LEMD3: variants seen among roughly 807,000 people sequenced by gnomAD.
The protein encoded by LEMD3 is inner nuclear membrane protein Man1.
A neutral mutation model predicts 95.2 loss-of-function variants in LEMD3; 33 were observed. That is an observed-to-expected ratio of 0.35 (90% CI 0.26 to 0.46). The LOEUF (loss-of-function observed/expected upper bound fraction) is 0.46, where lower values mean the gene tolerates loss of function less well. Ranked by LOEUF, LEMD3 falls within the 20% of genes least tolerant of loss-of-function variation. LEMD3 has a pLI of 1.00. For synonymous variants in LEMD3, 525 were observed against 474.6 expected (o/e 1.11, Z -1.38); for missense variants, 1,210 against 1,192.8 (o/e 1.01, Z -0.21).
At chr12:65,240,389 ACT>A (rs1870899787) in intron 8 of LEMD3, 151 bp downstream of exon 8, 3 of 638,632 alleles carry the variant, frequency 4.7e-6, no homozygotes, top group East Asian at 2.8e-5. Context: ...TGTACTTTAT[ACT>A]CTCTTTCTAA....
At chr12:65,204,976 TTATA>T (rs889612979) in intron 1 of LEMD3, among the ~76,000 whole-genome samples, 2 of 152,128 alleles carry the variant, frequency 1.3e-5, no homozygotes, top group African/African-American at 2.4e-5. Flanking sequence ...ACTGGGTAAT[TTATA>T]AAGGAAAGAG....
intron 1 of LEMD3, among the ~76,000 whole-genome samples, chr12:65,205,326 C>G (rs1299003288): frequency 6.6e-6 from 1 of 152,042 alleles, no homozygotes; most frequent in Non-Finnish European, 1.5e-5. Context: ...TCAAGAATCT[C>G]CATTTTTATG....
chr12:65,171,314 A>G (rs1010842915), intron 1 of LEMD3, 196 bp downstream of exon 1: 5 of 886,500 alleles, frequency 5.6e-6, no homozygotes, highest in Non-Finnish European at 8.3e-6. Context: ...TGGTTTTAAA[A>G]GTTTTCTGCA....
rs750847187 is a variant in LEMD3, at chr12:65,169,797, T to C, written c.201T>C (p.Asn67=). Residue 67 remains asparagine, a synonymous_variant, in exon 1 of 13, where the codon AAT becomes AAC. Transcript: ENST00000308330. ...GCGGCAACAAGACGCGGAACAGTAA[T>C]AACAATAACACGGCAGCCGCCACGG... is the stretch of plus-strand genomic sequence containing the variant. The part of the protein sequence containing the change: ...GGRGNKTRNS[N]NNNTAAATVA... 1.3e-6 allele frequency: 2 copies of C among 1,547,202 alleles called. No individual in the cohort carries two copies. The highest frequency in any genetic ancestry group is 2.4e-5 in the East Asian group (1 of 42,156).
At chr12:65,217,224 A>G (rs1449935203) in intron 3 of LEMD3, among the ~76,000 whole-genome samples, 1 of 152,162 alleles carries the variant, frequency 6.6e-6, no homozygotes, top group Non-Finnish European at 1.5e-5. Context: ...CCTCTGTCAC[A>G]ACCACTCAGT....
chr12:65,240,071 C>A (rs752580285), intron 7 of LEMD3, 41 bp downstream of exon 7: 3 of 1,544,792 alleles, frequency 1.9e-6, no homozygotes, highest in East Asian at 2.3e-5. Context: ...CTAGAAGAGT[C>A]ATTGCATGAT....
chr12:65,205,074 C>T (rs905986441), intron 1 of LEMD3, among the ~76,000 whole-genome samples: 1 of 152,118 alleles, frequency 6.6e-6, no homozygotes, highest in Non-Finnish European at 1.5e-5. Context: ...GAAGCAAGTA[C>T]CTTTTTCACA....
chr12:65,215,178 A>G (rs1244493519), intron 2 of LEMD3, among the ~76,000 whole-genome samples: 1 of 152,190 alleles, frequency 6.6e-6, no homozygotes, highest in African/African-American at 2.4e-5. Context: ...AAATATAACC[A>G]ATGCTTTCAT....
At chr12:65,193,496 TCA>T (rs1869309121) in intron 1 of LEMD3, among the ~76,000 whole-genome samples, 1 of 152,064 alleles carries the variant, frequency 6.6e-6, no homozygotes, top group African/African-American at 2.4e-5. Flanking sequence ...CCCTTACCAC[TCA>T]CATGTCCCTG....
At chr12:65,215,328 G>A (rs1337782866) in intron 2 of LEMD3, among the ~76,000 whole-genome samples, 4 of 152,084 alleles carry the variant, frequency 2.6e-5, no homozygotes, top group Non-Finnish European at 4.4e-5. Context: ...AGAAGAAGGA[G>A]GGAAGAGAAT....
chr12:65,204,571 G>A (rs904919596), intron 1 of LEMD3, among the ~76,000 whole-genome samples: 2 of 152,134 alleles, frequency 1.3e-5, no homozygotes, highest in Non-Finnish European at 2.9e-5. Flanking sequence ...TCTTTATCCA[G>A]TCTATCACTG....
At chr12:65,187,771 A>C (rs994780995) in intron 1 of LEMD3, among the ~76,000 whole-genome samples, 1 of 152,044 alleles carries the variant, frequency 6.6e-6, no homozygotes, top group African/African-American at 2.4e-5. Context: ...AATTTTATTA[A>C]ATTCTCAAAA....
intron 9 of LEMD3, among the ~76,000 whole-genome samples, chr12:65,243,154 T>A (rs538839745): frequency 9.3e-4 from 141 of 152,232 alleles, no homozygotes; most frequent in South Asian, 3.5e-3. Context: ...CTTTTTTTTT[T>A]AAGGACTTAA....
In LEMD3 at chr12:65,178,051, G is replaced by T. The variant is rs144526446; in HGVS notation, c.1522+6933G>T. ...TGTTGAGACAGGATCTCACTTTGTT[G>T]TCCAGGCTGGTCTTGAACTCCTGGG... On this transcript the variant is annotated intron_variant, in intron 1 of 12. Transcript: ENST00000308330. Among the ~76,000 whole-genome samples, 15 of 151,970 alleles carry T rather than the reference G, an allele frequency of 9.9e-5. No individual in the cohort carries two copies. In the East Asian group the frequency reaches 2.9e-3, roughly 29 times the overall value.
intron 6 of LEMD3, 95 bp downstream of exon 6, chr12:65,238,909 G>C: frequency 8.3e-7 from 1 of 1,198,506 alleles, no homozygotes; most frequent in Non-Finnish European, 1.2e-6. Flanking sequence ...TTTTGTGATG[G>C]TTGCCACATA....
intron 4 of LEMD3, among the ~76,000 whole-genome samples, chr12:65,235,794 C>G (rs1870755685): frequency 6.6e-6 from 1 of 152,022 alleles, no homozygotes; most frequent in Non-Finnish European, 1.5e-5. Context: ...TTTTTTTAAG[C>G]AGATAGCTGT....
At chr12:65,184,346 T>C (rs1392790587) in intron 1 of LEMD3, among the ~76,000 whole-genome samples, 1 of 152,208 alleles carries the variant, frequency 6.6e-6, no homozygotes, top group Non-Finnish European at 1.5e-5. Flanking sequence ...CATGTTTTAC[T>C]ACACTGGTTT....
intron 9 of LEMD3, among the ~76,000 whole-genome samples, chr12:65,243,120 G>A (rs1443312098): frequency 6.6e-6 from 1 of 151,606 alleles, no homozygotes; most frequent in African/African-American, 2.4e-5. Context: ...ATGAGGTTAA[G>A]TTACTTTTAA....
At chr12:65,188,684 C>T (rs1869141966) in intron 1 of LEMD3, among the ~76,000 whole-genome samples, 1 of 152,168 alleles carries the variant, frequency 6.6e-6, no homozygotes, top group South Asian at 2.1e-4. Context: ...GAGTGCTTGA[C>T]TAAAACTTTG....
Sources: allele counts gnomAD v4.1 joint callset (sites outside exome capture counted in the v4.1 genomes callset), GRCh38; gene constraint gnomAD v4.1.1; transcripts MANE v1.5; gene names NCBI Gene and HGNC (gene_info 2026-07-23, HGNC 2026-07-21).